The following NRXN1 variants were observed in gnomAD, a reference collection of about 807,000 sequenced individuals.
NRXN1 encodes neurexin 1, also known as neurexin-1.
A neutral mutation model predicts 150.9 loss-of-function variants in NRXN1; 39 were observed. That is an observed-to-expected ratio of 0.26 (90% CI 0.20 to 0.34). NRXN1 has a LOEUF of 0.34. Among genes scored for constraint, NRXN1 ranks in the 10% least tolerant of loss-of-function variants. The pLI is 1.00. For missense variants in NRXN1, 1,815 were observed against 1,949.9 expected, an observed-to-expected ratio of 0.93 and a Z score of 1.30; for synonymous variants, 924 against 757.0, an observed-to-expected ratio of 1.22 and a Z score of -3.62.
chr2:50,258,050 TA>T (rs2067883642), intron 17 of NRXN1, among the ~76,000 whole-genome samples: 1 of 152,034 alleles, frequency 6.6e-6, no homozygotes, highest in African/African-American at 2.4e-5. Flanking sequence ...CAAGCTGTAA[TA>T]TTTTTGATGG....
intron 17 of NRXN1, among the ~76,000 whole-genome samples, chr2:50,323,176 T>C (rs903382048): frequency 9.2e-5 from 14 of 152,202 alleles, no homozygotes; most frequent in African/African-American, 3.1e-4. Flanking sequence ...CCTTGAGTAA[T>C]ACATTATAAT....
chr2:50,927,732 A>C (rs983251484), intron 2 of NRXN1, among the ~76,000 whole-genome samples: 1 of 152,032 alleles, frequency 6.6e-6, no homozygotes, highest in African/African-American at 2.4e-5. Context: ...AAATAATAAA[A>C]TCAGGGAATT....
intron 2 of NRXN1, among the ~76,000 whole-genome samples, chr2:50,999,459 C>A (rs1003970993): frequency 1.3e-5 from 2 of 151,946 alleles, no homozygotes. Flanking sequence ...ACACTTCTTG[C>A]ACATCTTCTA....
chr2:50,787,138 T>C (rs569523433), intron 5 of NRXN1, among the ~76,000 whole-genome samples: 6 of 152,236 alleles, frequency 3.9e-5, no homozygotes, highest in African/African-American at 1.4e-4. Flanking sequence ...ATCTCCATCT[T>C]TGGAGAGCTT....
intron 5 of NRXN1, among the ~76,000 whole-genome samples, chr2:50,677,699 T>C (rs1260514641): frequency 2.0e-5 from 3 of 152,134 alleles, no homozygotes; most frequent in African/African-American, 7.2e-5. Flanking sequence ...AACCCTAGTA[T>C]GTAGGCCATG....
chr2:50,383,368 A>G (rs2103700640), intron 17 of NRXN1, among the ~76,000 whole-genome samples: 1 of 152,330 alleles, frequency 6.6e-6, no homozygotes, highest in East Asian at 1.9e-4. Flanking sequence ...AGAACAAGAA[A>G]GTAAACAGCT....
At chr2:50,136,208 A>AT (rs1005807071) in intron 18 of NRXN1, among the ~76,000 whole-genome samples, 26 of 151,960 alleles carry the variant, frequency 1.7e-4, no homozygotes, top group African/African-American at 5.8e-4. Context: ...GAGCATATTC[A>AT]TTTTTTTTCA....
intron 2 of NRXN1, among the ~76,000 whole-genome samples, chr2:50,950,335 T>C (rs917541450): frequency 1.3e-5 from 2 of 152,186 alleles, no homozygotes; most frequent in African/African-American, 4.8e-5. Flanking sequence ...TCAAATTATA[T>C]ATCTAGTTAT....
rs867477898 is a variant in NRXN1, at chr2:51,028,270, C to G, written c.4G>C (p.Gly2Arg). M[G>R]TALLQRGGCF... The stretch of plus-strand genomic sequence containing the variant: ...CCCCCGCGCTGGAGCAGCGCCGTCC[C>G]CATGCTCGGGGCTGGGGTGCGGCGG... The change falls in exon 2 of 23, where the codon GGG becomes CGG. Residue 2 changes from glycine (G) to arginine (R), a missense_variant. By Grantham distance (125) the Gly-to-Arg change is moderately radical. Coordinates refer to ENST00000401669, the MANE Select transcript of NRXN1 (RefSeq NM_001330078.2). 1.4e-6 allele frequency: 2 copies of G among 1,443,752 alleles called. No homozygotes were observed. The highest frequency in any genetic ancestry group is 2.9e-5 in the African/African-American group (2 of 70,130). The allele number at this position is 1,443,752 out of a possible 1,614,324, so 89.4% of individuals were successfully genotyped here.
At chr2:50,918,503 A>G (rs1475171631) in intron 5 of NRXN1, 3 of 358,050 alleles carry the variant, frequency 8.4e-6, no homozygotes, top group Non-Finnish European at 1.5e-5. Flanking sequence ...GCCTCCAATC[A>G]AAGTGCCAAC....
chr2:50,276,243 AC>A (rs2070449691), intron 17 of NRXN1, among the ~76,000 whole-genome samples: 1 of 152,036 alleles, frequency 6.6e-6, no homozygotes, highest in Non-Finnish European at 1.5e-5. Flanking sequence ...TCAAAACCAC[AC>A]AGCTGTTAAA....
intron 9 of NRXN1, among the ~76,000 whole-genome samples, chr2:50,548,978 G>A (rs1573499795): frequency 1.3e-5 from 2 of 152,060 alleles, no homozygotes; most frequent in East Asian, 3.9e-4. Context: ...CAACAGATAT[G>A]GCCTCATTAT....
At chr2:50,459,587 T>C (rs2087949383) in intron 17 of NRXN1, among the ~76,000 whole-genome samples, 1 of 152,126 alleles carries the variant, frequency 6.6e-6, no homozygotes, top group Admixed American at 6.6e-5. Context: ...CCTGCATTCA[T>C]TTGCTAAGGA....
chr2:49,947,273 T>G (rs1673075054), intron 21 of NRXN1, among the ~76,000 whole-genome samples: 2 of 152,062 alleles, frequency 1.3e-5, no homozygotes, highest in African/African-American at 4.8e-5. Context: ...TGGTGTTTTA[T>G]TCTTGTTAGA....
At position 50,636,631 on chromosome 2, in the gene NRXN1, TA is replaced by T. The variant is rs943810083; in HGVS notation, c.833-13017del. On this transcript the variant is annotated intron_variant, in intron 5 of 22. Transcript: ENST00000401669. ...TGCTGCTTTTAAAAGGAACTTCCCA[TA>T]GCAACCCCTACCTCTTTGTGCTTCT... Among the ~76,000 whole-genome samples the T allele has an allele frequency of 4.6e-4, 70 of 152,172 alleles. 1 individual carries two copies. The highest frequency in any genetic ancestry group is 1.2e-4 in the Non-Finnish European group (8 of 68,026).
intron 17 of NRXN1, among the ~76,000 whole-genome samples, chr2:50,371,301 C>T (rs1015791190): frequency 3.3e-5 from 5 of 152,026 alleles, no homozygotes; most frequent in African/African-American, 9.7e-5. Context: ...ATGTTGCTTA[C>T]ACCCAAAGCA....
intron 15 of NRXN1, among the ~76,000 whole-genome samples, chr2:50,473,745 C>T (rs1438658356): frequency 6.6e-6 from 1 of 152,008 alleles, no homozygotes; most frequent in Non-Finnish European, 1.5e-5. Flanking sequence ...AACTGATACA[C>T]AGACTGTTGA....
intron 18 of NRXN1, among the ~76,000 whole-genome samples, chr2:50,198,239 T>C (rs1277971353): frequency 2.0e-5 from 3 of 152,100 alleles, no homozygotes; most frequent in Admixed American, 2.0e-4. Context: ...CATGCAAACT[T>C]AGATTGTTAG....
chr2:50,903,658 G>T (rs922977100), intron 5 of NRXN1, among the ~76,000 whole-genome samples: 9 of 152,024 alleles, frequency 5.9e-5, no homozygotes, highest in Non-Finnish European at 1.3e-4. Flanking sequence ...TTCTCCTAAT[G>T]GAAAGCCTCT....
Sources: allele counts gnomAD v4.1 joint callset (sites outside exome capture counted in the v4.1 genomes callset), GRCh38; gene constraint gnomAD v4.1.1; transcripts MANE v1.5; gene names NCBI Gene and HGNC (gene_info 2026-07-23, HGNC 2026-07-21).